Variants in CTNNA3 observed in about 807,000 individuals in gnomAD.
CTNNA3 encodes the protein catenin alpha 3.
A neutral mutation model predicts 95.7 loss-of-function variants in CTNNA3; 76 were observed. The observed-to-expected ratio is 0.79, with a 90% CI of 0.66 to 0.96. The LOEUF is 0.96. Ranked by LOEUF, CTNNA3 falls within the 40% of genes least tolerant of loss-of-function variation. The probability of loss-of-function intolerance (pLI) is 0.00; values close to 1 mark genes in which losing one functional copy is unlikely to be tolerated. For missense variants in CTNNA3, 1,191 were observed against 1,089.8 expected (o/e 1.09, Z -1.31); for synonymous variants, 431 against 374.4 (o/e 1.15, Z -1.74).
intron 2 of CTNNA3, among the ~76,000 whole-genome samples, chr10:67,616,152 C>T (rs1203487774): frequency 1.3e-5 from 2 of 151,986 alleles, no homozygotes; most frequent in African/African-American, 4.8e-5. Flanking sequence ...AAGAAACAGG[C>T]GCAAAGGTTC....
intron 7 of CTNNA3, among the ~76,000 whole-genome samples, chr10:67,171,798 T>C (rs1481996116): frequency 1.3e-5 from 2 of 152,022 alleles, no homozygotes; most frequent in Non-Finnish European, 2.9e-5. Context: ...TTAATATATT[T>C]CAATGGAAAT....
Position 65,928,879 on chromosome 10 carries a change from CT to C in CTNNA3, c.2401-8263del, listed in dbSNP as rs542486641. Among the ~76,000 whole-genome samples, 20 of 152,090 alleles carry C rather than the reference CT, an allele frequency of 1.3e-4. No homozygotes were observed. In the South Asian group the frequency reaches 2.1e-3, roughly 16 times the overall value. On this transcript the variant is annotated intron_variant, in intron 17 of 17. Coordinates refer to ENST00000433211, the MANE Select transcript of CTNNA3 (RefSeq NM_013266.4). ...TTCCCACTTTTAGATTATTATTTCT[CT>C]TTTTTTTATTATACTTTAAAGTTTT...
intron 5 of CTNNA3, among the ~76,000 whole-genome samples, chr10:67,227,675 T>G (rs547993780): frequency 5.1e-4 from 78 of 152,280 alleles, no homozygotes; most frequent in African/African-American, 1.8e-3. Context: ...TTGATTTAAA[T>G]TATACCTTGG....
At chr10:67,140,770 C>A (rs1000085464) in intron 7 of CTNNA3, among the ~76,000 whole-genome samples, 10 of 152,102 alleles carry the variant, frequency 6.6e-5, no homozygotes, top group African/African-American at 2.4e-4. Flanking sequence ...TTTTATGTGC[C>A]ACGTGAAGGG....
intron 7 of CTNNA3, among the ~76,000 whole-genome samples, chr10:67,135,488 C>A (rs1227514663): frequency 6.6e-6 from 1 of 151,890 alleles, no homozygotes; most frequent in South Asian, 2.1e-4. Flanking sequence ...AACAGTGAGA[C>A]CTCATCTCTA....
At chr10:67,493,470 G>A (rs1325783346) in intron 5 of CTNNA3, among the ~76,000 whole-genome samples, 2 of 151,648 alleles carry the variant, frequency 1.3e-5, no homozygotes, top group African/African-American at 4.8e-5. Flanking sequence ...GCTGAGGCAG[G>A]GGAATGGCGT....
At chr10:65,938,342 TA>T (rs1370820531) in intron 17 of CTNNA3, among the ~76,000 whole-genome samples, 3 of 152,132 alleles carry the variant, frequency 2.0e-5, no homozygotes, top group Admixed American at 2.0e-4. Context: ...ACCAGGGAAA[TA>T]ACGCATAATT....
At chr10:66,063,596 A>G (rs1462072470) in intron 15 of CTNNA3, among the ~76,000 whole-genome samples, 2 of 151,848 alleles carry the variant, frequency 1.3e-5, no homozygotes, top group Non-Finnish European at 2.9e-5. Flanking sequence ...ATTTTTAAAT[A>G]ATTTTATTTT....
upstream of CTNNA3, among the ~76,000 whole-genome samples, chr10:67,696,787 T>C (rs80094803): frequency 7.4e-4 from 67 of 90,942 alleles, no homozygotes; most frequent in African/African-American, 3.8e-3. Context: ...TCCTTTTCCC[T>C]TTTTTTTGAT....
In CTNNA3 at chr10:67,404,191, G is replaced by A. The variant is rs1845043547; in HGVS notation, c.579+117651C>T. On this transcript the variant is annotated intron_variant, in intron 5 of 17. Coordinates refer to ENST00000433211, the MANE Select transcript of CTNNA3 (RefSeq NM_013266.4). Reference sequence around the variant, plus strand: ...CCTCTCCAGCAGGGATTTAGAACTGGACTGAGGCTGAGATGGCTGAGATGA... The same window carrying A: ...CCTCTCCAGCAGGGATTTAGAACTGAACTGAGGCTGAGATGGCTGAGATGA... Among the ~76,000 whole-genome samples, 5 of 152,060 alleles carry A rather than the reference G, an allele frequency of 3.3e-5. No individual in the cohort carries two copies. In the South Asian group the frequency reaches 1.0e-3, roughly 32 times the overall value.
intron 10 of CTNNA3, among the ~76,000 whole-genome samples, chr10:66,564,081 A>G (rs893832756): frequency 7.2e-5 from 11 of 152,200 alleles, no homozygotes; most frequent in Non-Finnish European, 8.8e-5. Context: ...CCTTGGCAAA[A>G]CAAACTTTCT....
chr10:66,854,488 G>A (rs1439509486), intron 7 of CTNNA3, among the ~76,000 whole-genome samples: 2 of 151,688 alleles, frequency 1.3e-5, no homozygotes, highest in African/African-American at 4.8e-5. Flanking sequence ...TACAAATAAC[G>A]GTGAGGTAAA....
intron 10 of CTNNA3, among the ~76,000 whole-genome samples, chr10:66,610,883 C>A (rs1232212978): frequency 6.6e-6 from 1 of 151,860 alleles, no homozygotes; most frequent in Non-Finnish European, 1.5e-5. Flanking sequence ...TGTTAATGAA[C>A]CTAAGTGTTC....
intron 5 of CTNNA3, among the ~76,000 whole-genome samples, chr10:67,471,678 T>G (rs1423836451): frequency 6.6e-6 from 1 of 152,152 alleles, no homozygotes; most frequent in African/African-American, 2.4e-5. Context: ...AGGGGCAAAG[T>G]GAAAGTTAAA....
intron 5 of CTNNA3, among the ~76,000 whole-genome samples, chr10:67,440,302 AG>A (rs1846457053): frequency 6.6e-6 from 1 of 152,142 alleles, no homozygotes; most frequent in Admixed American, 6.5e-5. Context: ...TTGTGGTTTG[AG>A]GGCAAGCTCA....
rs532066701 is a variant in CTNNA3, at chr10:67,691,029, T to C, written c.-6+4971A>G. Among the ~76,000 whole-genome samples, 11 of 152,336 alleles carry C rather than the reference T, an allele frequency of 7.2e-5. No homozygotes were observed. The East Asian group carries it at 1.9e-3, about 27-fold the overall frequency. On this transcript the variant is annotated intron_variant, in intron 1 of 17. Transcript: ENST00000433211. Reference sequence around the variant, plus strand: ...GCCTCAGCCTGCCGAGTGCCTGCGATTGCAGGCGCGCGCCGCCACGCCTGA... The same window carrying C: ...GCCTCAGCCTGCCGAGTGCCTGCGACTGCAGGCGCGCGCCGCCACGCCTGA...
chr10:67,731,525 G>A (rs779487623), intron 1 of CTNNA3, among the ~76,000 whole-genome samples: 4 of 149,988 alleles, frequency 2.7e-5, no homozygotes, highest in African/African-American at 7.4e-5. Context: ...CTTTTAGGCC[G>A]GGCGCGGTGG....
chr10:66,129,609 C>T (rs2082992423), intron 13 of CTNNA3, among the ~76,000 whole-genome samples: 1 of 152,172 alleles, frequency 6.6e-6, no homozygotes, highest in Non-Finnish European at 1.5e-5. Flanking sequence ...CTGGGCAACC[C>T]TCAGTCTACT....
intron 10 of CTNNA3, among the ~76,000 whole-genome samples, chr10:66,570,392 G>A (rs989406960): frequency 6.6e-5 from 10 of 152,020 alleles, no homozygotes; most frequent in Admixed American, 6.6e-5. Flanking sequence ...GGGTTCAAGC[G>A]ATTCTCCTAC....
Sources: gnomAD v4.1 joint callset for allele counts (sites outside exome capture counted in the v4.1 genomes callset) on GRCh38, gnomAD v4.1.1 for gene constraint, MANE v1.5 for transcripts, NCBI Gene and HGNC (gene_info 2026-07-23, HGNC 2026-07-21) for gene names.